The following SLC35A3 variants were observed in gnomAD, a reference collection of about 807,000 sequenced individuals.
SLC35A3 encodes UDP-N-acetylglucosamine transporter.
Under a neutral mutation model 39.0 loss-of-function variants are expected in SLC35A3, and 26 were observed. That is an observed-to-expected ratio of 0.67 (90% CI 0.49 to 0.92). SLC35A3 has a LOEUF of 0.92. Among genes scored for constraint, SLC35A3 ranks in the 40% least tolerant of loss-of-function variants. SLC35A3 has a pLI of 0.00. For synonymous variants in SLC35A3, 135 were observed against 133.1 expected, an observed-to-expected ratio of 1.01 and a Z score of -0.10; for missense variants, 299 against 371.6, an observed-to-expected ratio of 0.80 and a Z score of 1.61.
rs1385481979 is a variant in SLC35A3, at chr1:100,027,364, A to C, written c.*4888A>C. On this transcript the variant is annotated 3_prime_UTR_variant, in exon 8 of 8. Coordinates refer to ENST00000533028, the MANE Select transcript of SLC35A3 (RefSeq NM_012243.3). ...CTACTCAGGAGGCTGAGGCAGAAGG[A>C]TTGCTTGAGCCCAGCAATTTGATGC... 2.6e-6 allele frequency: 1 copy of C among 390,222 alleles called. No individual in the cohort carries two copies. Among genetic ancestry groups the C allele is most frequent in the East Asian group, 3.6e-5 (1 of 27,666 alleles). 24.2% of individuals were successfully genotyped at this position (390,222 alleles called of 1,614,324 possible).
rs770036841 is a variant in SLC35A3 at position 100,024,568 on chromosome 1, AACACAC to A, written c.*2109_*2114del. 12 of 203,294 alleles carry A rather than the reference AACACAC, an allele frequency of 5.9e-5. No individual in the cohort carries two copies. The highest frequency in any genetic ancestry group is 2.0e-3 in the Middle Eastern group (1 of 506). The allele number at this position is 203,294 out of a possible 1,614,324, so 12.6% of individuals were successfully genotyped here. A position where few individuals can be genotyped will look rare whatever the true frequency, so the allele number is the denominator to read the frequency against. On this transcript the variant is annotated 3_prime_UTR_variant, in exon 8 of 8. Transcript: ENST00000533028. ...TCCGTCTCAAAAAAAAAAAAAAGAA[AACACAC>A]ACACACACACACACACCCACAGTAT...
Position 100,017,765 on chromosome 1 carries a change from A to G in SLC35A3, c.837A>G (p.Ile279Met), listed in dbSNP as rs1177649569. ...GATTTGCAACCTCTTTATCGATAATATTATCAACATTGATCTCCTATTTTT... is the reference window on the plus strand; with the variant it reads ...GATTTGCAACCTCTTTATCGATAATGTTATCAACATTGATCTCCTATTTTT... ...LKGFATSLSI[I>M]LSTLISYFWL... The change falls in exon 7 of 8, where the codon ATA becomes ATG. Residue 279 changes from isoleucine (I) to methionine (M), a missense_variant. Coordinates refer to ENST00000533028, the MANE Select transcript of SLC35A3 (RefSeq NM_012243.3). 1.1e-5 allele frequency: 18 copies of G among 1,575,736 alleles called. No individual in the cohort carries two copies. The highest frequency in any genetic ancestry group is 1.4e-5 in the Non-Finnish European group (16 of 1,162,136).
At chr1:99,971,316 T>C (rs890688778) in intron 1 of SLC35A3, among the ~76,000 whole-genome samples, 5 of 151,970 alleles carry the variant, frequency 3.3e-5, no homozygotes, top group African/African-American at 1.2e-4. Flanking sequence ...GATTCTTTTT[T>C]TTTTTTTTTA....
intron 1 of SLC35A3, among the ~76,000 whole-genome samples, chr1:99,982,601 TTAAC>T (rs1479898229): frequency 6.6e-6 from 1 of 152,186 alleles, no homozygotes; most frequent in Non-Finnish European, 1.5e-5. Context: ...TCACATATAT[TTAAC>T]TATAGATTTT....
chr1:100,019,044 T>G (rs903610442), intron 7 of SLC35A3, among the ~76,000 whole-genome samples: 4 of 152,162 alleles, frequency 2.6e-5, no homozygotes, highest in African/African-American at 9.7e-5. Flanking sequence ...TGTCTTAATT[T>G]TGTAATCTTA....
intron 2 of SLC35A3, among the ~76,000 whole-genome samples, chr1:99,999,052 A>G (rs1416312097): frequency 6.6e-6 from 1 of 152,144 alleles, no homozygotes; most frequent in Non-Finnish European, 1.5e-5. Context: ...TTGATTATAT[A>G]TCAGAATAAA....
rs377027140 is a variant in SLC35A3 at position 100,007,020 on chromosome 1, G to C, written c.343-14G>C. On this transcript the variant is annotated splice_polypyrimidine_tract_variant and intron_variant, in intron 3 of 7. Transcript: ENST00000533028. The stretch of plus-strand genomic sequence containing the variant: ...ACAAACGAACATTAATAATATTACT[G>C]TTTTCTTTTTCAGGTCACGTATCAG... 54 of 1,588,574 alleles carry C rather than the reference G, an allele frequency of 3.4e-5. No homozygotes were observed. In the African/African-American group the frequency reaches 7.4e-4, roughly 22 times the overall value.
At chr1:100,010,258 T>C (rs977879141) in intron 4 of SLC35A3, among the ~76,000 whole-genome samples, 1 of 152,208 alleles carries the variant, frequency 6.6e-6, no homozygotes, top group Admixed American at 6.5e-5. Flanking sequence ...AAGGAATGAA[T>C]AGTCACTAGT....
Position 100,026,216 on chromosome 1 carries a change from G to A in SLC35A3, c.*3740G>A, listed in dbSNP as rs557474803. 6 of 152,152 alleles carry A rather than the reference G, an allele frequency of 3.9e-5. No homozygotes were observed. The South Asian group carries it at 1.2e-3, about 32-fold the overall frequency. 9.4% of individuals were successfully genotyped at this position (152,152 alleles called of 1,614,324 possible). A position where few individuals can be genotyped will look rare whatever the true frequency, so the allele number is the denominator to read the frequency against. Reference sequence around the variant, plus strand: ...TTGTATAGTCATTAAACTGAGTTGGGTTTTTTCTTAAAGGGTTTAGCATCA... The same window carrying A: ...TTGTATAGTCATTAAACTGAGTTGGATTTTTTCTTAAAGGGTTTAGCATCA... On this transcript the variant is annotated 3_prime_UTR_variant, in exon 8 of 8. Coordinates refer to ENST00000533028, the MANE Select transcript of SLC35A3 (RefSeq NM_012243.3).
At chr1:99,997,639 T>C (rs1658501921) in intron 2 of SLC35A3, among the ~76,000 whole-genome samples, 1 of 150,646 alleles carries the variant, frequency 6.6e-6, no homozygotes, top group Admixed American at 6.6e-5. Flanking sequence ...AAGCCTGTTA[T>C]TCTACTCTAA....
Position 100,022,682 on chromosome 1 carries a change from G to C in SLC35A3, c.*206G>C, listed in dbSNP as rs1052468831. 8 of 364,744 alleles carry C rather than the reference G, an allele frequency of 2.2e-5. No individual in the cohort carries two copies. Among genetic ancestry groups the C allele is most frequent in the Non-Finnish European group, 3.4e-5 (7 of 203,938 alleles). 22.6% of individuals were successfully genotyped at this position (364,744 alleles called of 1,614,324 possible). ...ATCAAAACTTGAAAGTATTTCCAGG[G>C]ATTAGGATTAGAAGGAATATTAGAG... On this transcript the variant is annotated 3_prime_UTR_variant, in exon 8 of 8. Coordinates refer to ENST00000533028, the MANE Select transcript of SLC35A3 (RefSeq NM_012243.3).
chr1:100,015,164 A>G, intron 5 of SLC35A3, 138 bp from the exon 6 acceptor site: 1 of 938,144 alleles, frequency 1.1e-6, no homozygotes, highest in Non-Finnish European at 1.5e-6. Context: ...TCTCAAAAAA[A>G]AAAAAAAAAA....
In SLC35A3 at chr1:100,011,530, C is replaced by G; in HGVS notation, c.631C>G (p.Leu211Val). The change falls in exon 5 of 8, where the codon CTT becomes GTT. Residue 211 changes from leucine (L) to valine (V), a missense_variant. Coordinates refer to ENST00000533028, the MANE Select transcript of SLC35A3 (RefSeq NM_012243.3). ...ATCAGTGTGGATAAGAAATATTCAG[C>G]TTGGTAAGTTTTAAATGTTTTCTAA... ...KQSVWIRNIQ[L>V]GFFGSIFGLM... 2 of 1,334,458 alleles carry G rather than the reference C, an allele frequency of 1.5e-6. No homozygotes were observed. Among genetic ancestry groups the G allele is most frequent in the African/African-American group, 1.5e-5 (1 of 67,776 alleles). 82.7% of individuals were successfully genotyped at this position (1,334,458 alleles called of 1,614,324 possible).
chr1:99,998,890 C>T (rs1283254912), intron 2 of SLC35A3, among the ~76,000 whole-genome samples: 1 of 152,046 alleles, frequency 6.6e-6, no homozygotes, highest in African/African-American at 2.4e-5. Context: ...TGATGATAAA[C>T]AAAATGCACA....
At chr1:99,999,718 A>G (rs1044235427) in intron 3 of SLC35A3, among the ~76,000 whole-genome samples, 1 of 151,974 alleles carries the variant, frequency 6.6e-6, no homozygotes, top group African/African-American at 2.4e-5. Context: ...CCCATTAACC[A>G]ATCTTTCTTT....
chr1:99,991,983 A>C (rs7511663), intron 1 of SLC35A3, among the ~76,000 whole-genome samples: 2 of 151,810 alleles, frequency 1.3e-5, no homozygotes, highest in Non-Finnish European at 2.9e-5. Context: ...TCTTGACCTC[A>C]TGATCTACCT....
At chr1:99,986,858 G>A (rs796582603) in intron 1 of SLC35A3, among the ~76,000 whole-genome samples, 2 of 152,184 alleles carry the variant, frequency 1.3e-5, no homozygotes, top group African/African-American at 4.8e-5. Flanking sequence ...AAAGTGCTGG[G>A]TTTACAAGCC....
In SLC35A3 at chr1:99,999,336, C is replaced by G. The variant is rs984085762; in HGVS notation, c.263C>G (p.Ala88Gly). 7 of 1,598,028 alleles carry G rather than the reference C, an allele frequency of 4.4e-6. No individual in the cohort carries two copies. In the African/African-American group the frequency reaches 8.1e-5, roughly 18 times the overall value. The change falls in exon 3 of 8, where the codon GCT (alanine) becomes GGT (glycine). Residue 88 changes from alanine (A) to glycine (G), a missense_variant. Ala to Gly is a moderately conservative substitution (Grantham distance 60). Transcript: ENST00000533028. Reference sequence around the variant, plus strand: ...AAACCTATGGAAACACTTAAACTTGCTATTCCATCAGGGATCTATACTCTT... The same window carrying G: ...AAACCTATGGAAACACTTAAACTTGGTATTCCATCAGGGATCTATACTCTT... ...LNKPMETLKL[A>G]IPSGIYTLQN...
In SLC35A3 at chr1:100,035,610, A is replaced by G. The variant is rs1661453559; in HGVS notation, c.*13134A>G. The G allele has an allele frequency of 6.6e-6, 1 of 152,242 alleles. No homozygotes were observed. The highest frequency in any genetic ancestry group is 6.5e-5 in the Admixed American group (1 of 15,286). The allele number at this position is 152,242 out of a possible 1,614,324, so 9.4% of individuals were successfully genotyped here. On this transcript the variant is annotated 3_prime_UTR_variant, in exon 8 of 8. Coordinates refer to ENST00000533028, the MANE Select transcript of SLC35A3 (RefSeq NM_012243.3). ...TCTCATTTATTGATGTATCCCTGGC[A>G]TCTAATAAAACACTGACAACACAAG...
Sources: gnomAD v4.1 joint callset for allele counts (sites outside exome capture counted in the v4.1 genomes callset) on GRCh38, gnomAD v4.1.1 for gene constraint, MANE v1.5 for transcripts, NCBI Gene and HGNC (gene_info 2026-07-23, HGNC 2026-07-21) for gene names.